Variants in SGCZ observed in about 807,000 individuals in gnomAD.
The protein encoded by SGCZ is sarcoglycan zeta, also known as zeta-sarcoglycan.
A neutral mutation model predicts 41.3 loss-of-function variants in SGCZ; 40 were observed. That is an observed-to-expected ratio of 0.97 (90% CI 0.75 to 1.26). The LOEUF (loss-of-function observed/expected upper bound fraction) is 1.26. Among genes scored for constraint, SGCZ ranks in the 50% most tolerant of loss-of-function variants. The pLI is 0.00. For synonymous variants in SGCZ, 206 were observed against 137.5 expected (o/e 1.50, Z -3.49); for missense variants, 552 against 369.8 (o/e 1.49, Z -4.04).
In SGCZ at chr8:14,580,742, A is replaced by G. The variant is rs112653332; in HGVS notation, c.40-25816T>C. ...CATGTACAAAGAAATGCTTTAACCA[A>G]GCTGTAAGAACTGTTTAGCACATAG... On this transcript the variant is annotated intron_variant, in intron 1 of 7. Transcript: ENST00000382080. 9.6e-3 allele frequency among the ~76,000 whole-genome samples: 1,465 copies of G among 152,308 alleles called. 16 individuals are homozygous for G. The highest frequency in any genetic ancestry group is 0.034 in the African/African-American group (1,401 of 41,562).
At chr8:14,898,907 T>C (rs145233292) in intron 1 of SGCZ, among the ~76,000 whole-genome samples, 1,669 of 152,286 alleles carry the variant, frequency 0.011, 26 homozygotes, top group African/African-American at 0.038. Flanking sequence ...AAAATTGTTC[T>C]GAGAAAATAT....
At chr8:14,367,335 C>T (rs568611326) in intron 2 of SGCZ, among the ~76,000 whole-genome samples, 4 of 152,144 alleles carry the variant, frequency 2.6e-5, no homozygotes, top group Admixed American at 6.6e-5. Flanking sequence ...CCAAACATCC[C>T]CACATCTTCC....
At chr8:14,357,322 G>A (rs183701660) in intron 2 of SGCZ, among the ~76,000 whole-genome samples, 1 of 152,166 alleles carries the variant, frequency 6.6e-6, no homozygotes, top group Admixed American at 6.5e-5. Context: ...AAGCATCTCA[G>A]TACACTGAAA....
At chr8:14,590,677 A>C (rs1296285134) in intron 1 of SGCZ, among the ~76,000 whole-genome samples, 1 of 149,416 alleles carries the variant, frequency 6.7e-6, no homozygotes, top group Non-Finnish European at 1.5e-5. Context: ...CTTTGTAGAT[A>C]TATTTCCTAG....
At chr8:14,867,573 C>T (rs904591760) in intron 1 of SGCZ, among the ~76,000 whole-genome samples, 27 of 152,106 alleles carry the variant, frequency 1.8e-4, no homozygotes, top group African/African-American at 6.0e-4. Context: ...CCACCAAGTG[C>T]GTATAAGCAC....
intron 1 of SGCZ, among the ~76,000 whole-genome samples, chr8:14,787,770 C>T (rs1434614424): frequency 1.3e-5 from 2 of 151,946 alleles, no homozygotes; most frequent in East Asian, 1.9e-4. Flanking sequence ...CGCTTGAACT[C>T]GGGATGCGGA....
At chr8:15,066,877 C>T (rs1805169647) in intron 1 of SGCZ, among the ~76,000 whole-genome samples, 1 of 152,132 alleles carries the variant, frequency 6.6e-6, no homozygotes, top group Non-Finnish European at 1.5e-5. Context: ...TTCACTGTAT[C>T]TAAAGTATGG....
In SGCZ at chr8:14,954,811, C is replaced by G. The variant is rs1800744833; in HGVS notation, c.39+282774G>C. 2.6e-5 allele frequency among the ~76,000 whole-genome samples: 4 copies of G among 152,164 alleles called. 1 individual carries two copies. The Middle Eastern group carries it at 0.014, about 518-fold the overall frequency. On this transcript the variant is annotated intron_variant, in intron 1 of 7. Coordinates refer to ENST00000382080, the MANE Select transcript of SGCZ (RefSeq NM_139167.4). The stretch of plus-strand genomic sequence containing the variant: ...TGCGAGATACACTGAAGCAAAGGAC[C>G]CATTCTTATTCCTGACCAGAGCAAC...
In SGCZ at chr8:14,274,302, C is replaced by T. The variant is rs554898763; in HGVS notation, c.337-36623G>A. ...GTTCACTGGAAATTTCAAGTGAATC[C>T]AACATCTGACAATCTTTTAGCACTG... On this transcript the variant is annotated intron_variant, in intron 3 of 7. Transcript: ENST00000382080. Among the ~76,000 whole-genome samples the T allele has an allele frequency of 1.3e-4, 20 of 152,198 alleles. No individual in the cohort carries two copies. The South Asian group carries it at 3.7e-3, about 28-fold the overall frequency.
At chr8:15,024,203 A>G (rs972203925) in intron 1 of SGCZ, among the ~76,000 whole-genome samples, 2 of 152,178 alleles carry the variant, frequency 1.3e-5, no homozygotes, top group Non-Finnish European at 2.9e-5. Flanking sequence ...AAACAAATAC[A>G]TGTTTATAGT....
intron 1 of SGCZ, among the ~76,000 whole-genome samples, chr8:14,586,299 T>C (rs960062004): frequency 6.6e-6 from 1 of 152,078 alleles, no homozygotes; most frequent in Non-Finnish European, 1.5e-5. Flanking sequence ...CTGCAAACTC[T>C]ACCTCCTGGG....
chr8:14,410,016 C>T (rs1799316328), intron 2 of SGCZ, among the ~76,000 whole-genome samples: 1 of 152,090 alleles, frequency 6.6e-6, no homozygotes, highest in South Asian at 2.1e-4. Flanking sequence ...TGTTAGGAAC[C>T]TAGCCACATA....
chr8:14,124,327 G>C (rs1347622305), intron 5 of SGCZ, among the ~76,000 whole-genome samples: 1 of 151,990 alleles, frequency 6.6e-6, no homozygotes, highest in Non-Finnish European at 1.5e-5. Context: ...TGAAATGACA[G>C]ATTGCCTTGG....
chr8:14,974,277 A>T (rs138184371), intron 1 of SGCZ, among the ~76,000 whole-genome samples: 3 of 152,202 alleles, frequency 2.0e-5, no homozygotes, highest in Admixed American at 1.3e-4. Flanking sequence ...AAACAAAAAA[A>T]TTCTATTGTA....
At chr8:15,177,542 AAAAG>A (rs1800036585) in intron 1 of SGCZ, among the ~76,000 whole-genome samples, 1 of 152,190 alleles carries the variant, frequency 6.6e-6, no homozygotes. Context: ...TCATTTTTTA[AAAAG>A]AAAGAAAATA....
chr8:14,265,197 A>G (rs565971705), intron 3 of SGCZ, among the ~76,000 whole-genome samples: 25 of 152,120 alleles, frequency 1.6e-4, no homozygotes, highest in Non-Finnish European at 2.8e-4. Context: ...CCCTTTTCCC[A>G]TTTGTCCTGA....
intron 4 of SGCZ, among the ~76,000 whole-genome samples, chr8:14,194,234 G>C (rs1049567093): frequency 2.6e-5 from 4 of 151,858 alleles, no homozygotes; most frequent in African/African-American, 4.8e-5. Flanking sequence ...TGGTAAGCAA[G>C]AAAATGATTA....
chr8:14,411,221 A>G (rs2117276766), intron 2 of SGCZ, among the ~76,000 whole-genome samples: 1 of 152,270 alleles, frequency 6.6e-6, no homozygotes, highest in South Asian at 2.1e-4. Context: ...CTCCTTAGAA[A>G]CAGCCCTACA....
At chr8:14,679,337 T>C (rs1036563722) in intron 1 of SGCZ, among the ~76,000 whole-genome samples, 1 of 152,000 alleles carries the variant, frequency 6.6e-6, no homozygotes, top group African/African-American at 2.4e-5. Flanking sequence ...TCTTTTATCA[T>C]AGGAGATGAC....
Sources: gnomAD v4.1 joint callset for allele counts (sites outside exome capture counted in the v4.1 genomes callset) on GRCh38, gnomAD v4.1.1 for gene constraint, MANE v1.5 for transcripts, NCBI Gene and HGNC (gene_info 2026-07-23, HGNC 2026-07-21) for gene names.